PCNX2: variants seen among roughly 807,000 people sequenced by gnomAD.
The protein encoded by PCNX2 is pecanex-like protein 2.
A neutral mutation model predicts 223.8 loss-of-function variants in PCNX2; 168 were observed. The observed-to-expected ratio is 0.75, with a 90% CI of 0.66 to 0.85. PCNX2 has a LOEUF of 0.85. PCNX2 is among the 40% of genes least tolerant of loss of function. The pLI, the probability that PCNX2 is intolerant of heterozygous loss-of-function variation, is 0.00. For missense variants in PCNX2, 2,507 were observed against 2,675.5 expected (o/e 0.94, Z 1.39); for synonymous variants, 1,006 against 1,052.6 (o/e 0.96, Z 0.86).
chr1:233,065,952 C>T (rs1486425639), intron 23 of PCNX2, among the ~76,000 whole-genome samples: 2 of 152,172 alleles, frequency 1.3e-5, no homozygotes, highest in Non-Finnish European at 2.9e-5. Flanking sequence ...ATAAAGTCCC[C>T]AACTGCAGTG....
chr1:233,031,435 A>C (rs1671259193), intron 25 of PCNX2, among the ~76,000 whole-genome samples: 1 of 152,190 alleles, frequency 6.6e-6, no homozygotes, highest in African/African-American at 2.4e-5. Context: ...TCTTATCCAG[A>C]TCTCTGTCTG....
At chr1:233,171,511 C>G (rs2102843984) in intron 17 of PCNX2, among the ~76,000 whole-genome samples, 1 of 152,252 alleles carries the variant, frequency 6.6e-6, no homozygotes, top group East Asian at 1.9e-4. Flanking sequence ...TATCCAACAA[C>G]TGTCTTCTGG....
At chr1:233,103,523 T>G (rs1674607589) in intron 21 of PCNX2, among the ~76,000 whole-genome samples, 1 of 152,154 alleles carries the variant, frequency 6.6e-6, no homozygotes, top group South Asian at 2.1e-4. Flanking sequence ...CACAAATAGA[T>G]GAGAATATAT....
chr1:233,014,910 CA>C, intron 27 of PCNX2, 133 bp from the exon 28 acceptor site: 2 of 557,006 alleles, frequency 3.6e-6, no homozygotes, highest in Non-Finnish European at 6.3e-6. Context: ...GATGACCCCA[CA>C]GACAGGGAAT....
At chr1:233,261,422 G>T in intron 3 of PCNX2, 101 bp from the exon 4 acceptor site, 1 of 1,054,988 alleles carries the variant, frequency 9.5e-7, no homozygotes, top group Non-Finnish European at 1.5e-6. Flanking sequence ...TTTCTAAATG[G>T]CATGTAGGGG....
At chr1:233,194,225 A>C (rs1036293346) in intron 15 of PCNX2, among the ~76,000 whole-genome samples, 4 of 152,174 alleles carry the variant, frequency 2.6e-5, no homozygotes, top group African/African-American at 9.7e-5. Flanking sequence ...AAATTATACA[A>C]GACAAAAGAA....
rs1475156443 is a variant in PCNX2, at chr1:233,275,026, G to A, written c.154-11863C>T. On this transcript the variant is annotated intron_variant, in intron 1 of 33. Coordinates refer to ENST00000258229, the MANE Select transcript of PCNX2 (RefSeq NM_014801.4). ...CAGCGTTTGATGAAATCACATTTGT[G>A]AATGCACACTGTGAAACATATACTG... Among the ~76,000 whole-genome samples, 4 of 152,192 alleles carry A rather than the reference G, an allele frequency of 2.6e-5. No individual in the cohort carries two copies. In the East Asian group the frequency reaches 7.7e-4, roughly 29 times the overall value.
chr1:233,172,313 T>G (rs1277673529), intron 17 of PCNX2: 1 of 973,586 alleles, frequency 1.0e-6, no homozygotes, highest in Non-Finnish European at 1.2e-6. Flanking sequence ...AGAAAGGATT[T>G]ATGTTTGTTT....
rs374291406 is a variant in PCNX2 at position 233,263,146 on chromosome 1, C to T, written c.171G>A (p.Ala57=). 9.3e-6 allele frequency: 15 copies of T among 1,607,972 alleles called. 1 individual carries two copies. Among genetic ancestry groups the T allele is most frequent in the African/African-American group, 4.0e-5 (3 of 74,764 alleles). ...CACTGCAGTAGAAAAATACAATGAT[C>T]GCATTTGGAGGAAAAGCCTGAAGAA... The part of the protein sequence containing the change: ...LALHLAFPPN[A]IIVFFYCSAV... Residue 57 remains alanine (A), a synonymous_variant, in exon 2 of 34, where the codon GCG becomes GCA. Transcript: ENST00000258229.
At chr1:233,289,391 G>C in intron 1 of PCNX2, 1 of 1,380,766 alleles carries the variant, frequency 7.2e-7, no homozygotes, top group Non-Finnish European at 1.0e-6. Context: ...TGCGGGACTC[G>C]AACTCGTCCG....
intron 21 of PCNX2, among the ~76,000 whole-genome samples, chr1:233,122,131 CAG>C (rs962902320): frequency 2.0e-5 from 3 of 148,006 alleles, no homozygotes; most frequent in Admixed American, 1.3e-4. Flanking sequence ...GAGAGAGAGA[CAG>C]AGAGACATGG....
In PCNX2 at chr1:233,295,631, T is replaced by A; in HGVS notation, c.-153A>T. Reference sequence around the variant, plus strand: ...CCCCGCCGCCTCCTTCCACCCCACGTTTGAAGCTGGAGCTGCTCTTCCGCC... The same window carrying A: ...CCCCGCCGCCTCCTTCCACCCCACGATTGAAGCTGGAGCTGCTCTTCCGCC... On this transcript the variant is annotated 5_prime_UTR_variant, in exon 1 of 34. Coordinates refer to ENST00000258229, the MANE Select transcript of PCNX2 (RefSeq NM_014801.4). The surrounding 1 kb of genome is among the most constrained non-coding windows in gnomAD (Gnocchi z 4.1). 2.4e-6 allele frequency: 2 copies of A among 823,294 alleles called. No homozygotes were observed. The highest frequency in any genetic ancestry group is 3.3e-6 in the Non-Finnish European group (2 of 609,680). The allele number at this position is 823,294 out of a possible 1,614,324, so 51.0% of individuals were successfully genotyped here. A position where few individuals can be genotyped will look rare whatever the true frequency, so the allele number is the denominator to read the frequency against.
At chr1:233,051,429 G>T (rs1022430452) in intron 25 of PCNX2, among the ~76,000 whole-genome samples, 1 of 152,160 alleles carries the variant, frequency 6.6e-6, no homozygotes, top group African/African-American at 2.4e-5. Flanking sequence ...CAATAGCAAT[G>T]ACATGGAATC....
intron 17 of PCNX2, chr1:233,172,267 AC>A (rs879317724): frequency 4.8e-5 from 39 of 819,230 alleles, no homozygotes; most frequent in Non-Finnish European, 5.2e-5. Flanking sequence ...CCCTAAAAAA[AC>A]TGGTTTGGGA....
intron 33 of PCNX2, 156 bp downstream of exon 33, chr1:232,985,936 T>C: frequency 1.2e-6 from 1 of 809,860 alleles, no homozygotes; most frequent in Admixed American, 2.2e-5. Context: ...CCACTTCGTG[T>C]CTAATCACTG....
At chr1:233,118,294 T>C (rs1021191215) in intron 21 of PCNX2, among the ~76,000 whole-genome samples, 4 of 152,108 alleles carry the variant, frequency 2.6e-5, no homozygotes, top group Non-Finnish European at 5.9e-5. Flanking sequence ...GTGAAAGTTG[T>C]ATGCCTTCTT....
intron 23 of PCNX2, among the ~76,000 whole-genome samples, chr1:233,063,134 G>A (rs1312841268): frequency 6.6e-6 from 1 of 152,162 alleles, no homozygotes; most frequent in Non-Finnish European, 1.5e-5. Context: ...CTACTCGGAA[G>A]GTGGAGGCAG....
chr1:233,070,589 C>T (rs974486122), intron 23 of PCNX2, among the ~76,000 whole-genome samples: 2 of 151,940 alleles, frequency 1.3e-5, no homozygotes, highest in South Asian at 2.1e-4. Flanking sequence ...AGCCACCATA[C>T]TCACATGGGA....
In PCNX2 at chr1:233,202,752, G is replaced by A. The variant is rs536405764; in HGVS notation, c.2864-2488C>T. ...ATTGAAGATGCATTATTTTTGGCAG[G>A]GATTTATAAACCTAAGGACCAAAAA... On this transcript the variant is annotated intron_variant, in intron 13 of 33. Transcript: ENST00000258229. 2.0e-5 allele frequency among the ~76,000 whole-genome samples: 3 copies of A among 152,114 alleles called. No individual in the cohort carries two copies. The East Asian group carries it at 5.8e-4, about 29-fold the overall frequency.
Sources: allele counts gnomAD v4.1 joint callset (sites outside exome capture counted in the v4.1 genomes callset), GRCh38; gene constraint gnomAD v4.1.1; non-coding constraint Gnocchi (gnomAD v3.1); transcripts MANE v1.5; gene names NCBI Gene and HGNC (gene_info 2026-07-23, HGNC 2026-07-21).